MGMT: variants seen among roughly 807,000 people sequenced by gnomAD.
MGMT encodes methylated-DNA--protein-cysteine methyltransferase.
In MGMT, 14 loss-of-function variants were observed where a neutral mutation model predicts 15.9. That is an observed-to-expected ratio of 0.88 (90% CI 0.58 to 1.37). The LOEUF is 1.37. Ranked by LOEUF, MGMT falls within the 40% of genes most tolerant of loss-of-function variation. The pLI is 0.00. For synonymous variants in MGMT, 130 were observed against 118.2 expected (o/e 1.10, Z -0.65); for missense variants, 282 against 268.1 (o/e 1.05, Z -0.36).
At chr10:129,766,703 C>T (rs1848939428) in intron 4 of MGMT, 85 bp from the exon 5 acceptor site, 4 of 1,274,554 alleles carry the variant, frequency 3.1e-6, no homozygotes, top group East Asian at 5.1e-5. Context: ...GCACAGGACT[C>T]CTGTCAGTCA....
At chr10:129,596,056 A>G (rs7917977) in intron 2 of MGMT, among the ~76,000 whole-genome samples, 7,092 of 152,178 alleles carry the variant, frequency 0.047, 580 homozygotes, top group African/African-American at 0.16. Context: ...CTGTGAATAC[A>G]CTGGGCATCT....
At chr10:129,628,674 T>A (rs1346308025) in intron 2 of MGMT, among the ~76,000 whole-genome samples, 3 of 152,222 alleles carry the variant, frequency 2.0e-5, no homozygotes, top group Non-Finnish European at 4.4e-5. Flanking sequence ...GCACTGCGTG[T>A]TGGGCTCAAA....
intron 1 of MGMT, among the ~76,000 whole-genome samples, chr10:129,506,956 T>C (rs1845631825): frequency 6.6e-6 from 1 of 152,130 alleles, no homozygotes; most frequent in Non-Finnish European, 1.5e-5. Context: ...CCCATCTGAA[T>C]AGGATCCCAG....
intron 3 of MGMT, among the ~76,000 whole-genome samples, chr10:129,713,280 T>C (rs982970867): frequency 2.6e-5 from 4 of 152,196 alleles, no homozygotes; most frequent in African/African-American, 9.6e-5. Flanking sequence ...GTAAACCTTC[T>C]TCCGATGCCC....
intron 3 of MGMT, among the ~76,000 whole-genome samples, chr10:129,755,871 G>A (rs1012720391): frequency 7.2e-5 from 11 of 152,242 alleles, no homozygotes; most frequent in African/African-American, 2.7e-4. Flanking sequence ...AGCGGTGGCA[G>A]AGCCAGGCTG....
At chr10:129,609,385 A>G (rs1308244927) in intron 2 of MGMT, among the ~76,000 whole-genome samples, 1 of 149,020 alleles carries the variant, frequency 6.7e-6, no homozygotes. Context: ...CGGATGATAG[A>G]GGTGGAATCT....
rs536485704 is a variant in MGMT, at chr10:129,690,816, G to A, written c.126-17079G>A. On this transcript the variant is annotated intron_variant, in intron 2 of 4. Coordinates refer to ENST00000651593, the MANE Select transcript of MGMT (RefSeq NM_002412.5). Reference sequence around the variant, plus strand: ...GGGATTCAGCCAGGACAGAGCCTGAGCCCCAGGCCAGACTGCAGGGCTGTG... The same window carrying A: ...GGGATTCAGCCAGGACAGAGCCTGAACCCCAGGCCAGACTGCAGGGCTGTG... Among the ~76,000 whole-genome samples the A allele has an allele frequency of 4.6e-5, 7 of 152,328 alleles. No individual in the cohort carries two copies. The East Asian group carries it at 1.4e-3, about 29-fold the overall frequency.
rs371540533 is a variant in MGMT, at chr10:129,747,087, G to A, written c.275-12115G>A. On this transcript the variant is annotated intron_variant, in intron 3 of 4. Transcript: ENST00000651593. Reference sequence around the variant, plus strand: ...CATCTAAGTATTTTATTTGGTTGGAGCCATTATCAGTGGTATATAGAAAGG... The same window carrying A: ...CATCTAAGTATTTTATTTGGTTGGAACCATTATCAGTGGTATATAGAAAGG... Among the ~76,000 whole-genome samples, 13 of 152,236 alleles carry A rather than the reference G, an allele frequency of 8.5e-5. No individual in the cohort carries two copies. The East Asian group carries it at 1.3e-3, about 16-fold the overall frequency.
rs7915317 is a variant in MGMT, at chr10:129,770,113, C to T, written c.*3116C>T. On this transcript the variant is annotated 3_prime_UTR_variant, in exon 5 of 5. Transcript: ENST00000651593. ...TGCGACTTAAGCTTCTCTGGTGCGT[C>T]GCGCCCCACGTGCTTCTCCAGAATC... is the stretch of plus-strand genomic sequence containing the variant. Among the ~76,000 whole-genome samples, 4,431 of 152,250 alleles carry T rather than the reference C, an allele frequency of 0.029. 232 individuals are homozygous for T. Among genetic ancestry groups the T allele is most frequent in the African/African-American group, 0.1 (4,185 of 41,538 alleles).
At chr10:129,593,467 C>T (rs952566480) in intron 2 of MGMT, among the ~76,000 whole-genome samples, 3 of 152,320 alleles carry the variant, frequency 2.0e-5, no homozygotes, top group African/African-American at 2.4e-5. Flanking sequence ...GTGTTGCCGA[C>T]GAATCTGAGA....
At chr10:129,488,577 T>C (rs1845436825) in intron 1 of MGMT, among the ~76,000 whole-genome samples, 1 of 152,250 alleles carries the variant, frequency 6.6e-6, no homozygotes, top group African/African-American at 2.4e-5. Flanking sequence ...TAGTTGCATG[T>C]AATTGAATTT....
At chr10:129,543,610 A>G (rs774189836) in intron 2 of MGMT, among the ~76,000 whole-genome samples, 2 of 152,156 alleles carry the variant, frequency 1.3e-5, no homozygotes, top group Non-Finnish European at 2.9e-5. Context: ...GGCAGAGTAG[A>G]CAGTGGTGGC....
intron 1 of MGMT, among the ~76,000 whole-genome samples, chr10:129,517,759 C>T (rs1398681489): frequency 6.6e-6 from 1 of 151,324 alleles, no homozygotes; most frequent in Non-Finnish European, 1.5e-5. Context: ...AGCTTCCTGT[C>T]TCCACACCCT....
chr10:129,484,874 A>G (rs755525070), intron 1 of MGMT, among the ~76,000 whole-genome samples: 2 of 151,274 alleles, frequency 1.3e-5, no homozygotes, highest in Non-Finnish European at 3.0e-5. Flanking sequence ...CTATTTACAT[A>G]ATGTCTTTAC....
At chr10:129,734,023 G>A (rs1442384801) in intron 3 of MGMT, among the ~76,000 whole-genome samples, 1 of 151,538 alleles carries the variant, frequency 6.6e-6, no homozygotes, top group African/African-American at 2.4e-5. Context: ...TTTTGGCTTA[G>A]GATTGACTTG....
chr10:129,709,011 C>G (rs1393870255), intron 3 of MGMT, among the ~76,000 whole-genome samples: 2 of 152,192 alleles, frequency 1.3e-5, no homozygotes, highest in Non-Finnish European at 2.9e-5. Context: ...CTAACCAAGT[C>G]AGACAGGCGA....
intron 2 of MGMT, among the ~76,000 whole-genome samples, chr10:129,599,336 C>G (rs1846790085): frequency 6.6e-6 from 1 of 152,194 alleles, no homozygotes; most frequent in South Asian, 2.1e-4. Flanking sequence ...TGGAAGGAGG[C>G]AGCTTTAGGC....
At chr10:129,693,182 G>A (rs558136774) in intron 2 of MGMT, among the ~76,000 whole-genome samples, 128 of 152,320 alleles carry the variant, frequency 8.4e-4, no homozygotes, top group African/African-American at 2.7e-3. Context: ...GAACTGATGC[G>A]AATACAAACA....
intron 1 of MGMT, among the ~76,000 whole-genome samples, chr10:129,508,520 C>CTTT (rs11311009): frequency 7.1e-6 from 1 of 141,540 alleles, no homozygotes; most frequent in Non-Finnish European, 1.5e-5. Context: ...TTCTTTCTTT[C>CTTT]TTTTTTTTTT....
Sources: allele counts gnomAD v4.1 joint callset (sites outside exome capture counted in the v4.1 genomes callset), GRCh38; gene constraint gnomAD v4.1.1; transcripts MANE v1.5; gene names NCBI Gene and HGNC (gene_info 2026-07-23, HGNC 2026-07-21).